Variants in RTTN observed in about 807,000 individuals in gnomAD.
RTTN encodes the protein rotatin.
Under a neutral mutation model 269.2 loss-of-function variants are expected in RTTN, and 182 were observed. The ratio of observed to expected loss-of-function variants is 0.68; its 90% CI spans 0.60 to 0.76. The LOEUF (loss-of-function observed/expected upper bound fraction) is 0.76, where lower values mean the gene tolerates loss of function less well. RTTN is among the 30% of genes least tolerant of loss of function. RTTN has a pLI of 0.00. For synonymous variants in RTTN, 1,006 were observed against 963.5 expected, an observed-to-expected ratio of 1.04 and a Z score of -0.82; for missense variants, 2,545 against 2,608.6, an observed-to-expected ratio of 0.98 and a Z score of 0.53.
At chr18:70,084,826 T>C (rs998287447) in intron 32 of RTTN, among the ~76,000 whole-genome samples, 1 of 152,196 alleles carries the variant, frequency 6.6e-6, no homozygotes, top group Non-Finnish European at 1.5e-5. Context: ...TAAATCACTA[T>C]TTTCCACTTT....
chr18:70,068,081 T>A (rs530108593), intron 34 of RTTN, among the ~76,000 whole-genome samples: 1 of 152,346 alleles, frequency 6.6e-6, no homozygotes, highest in South Asian at 2.1e-4. Flanking sequence ...TAAACTAATA[T>A]ATTGCTATTT....
chr18:70,037,958 T>A (rs922173482), intron 40 of RTTN, among the ~76,000 whole-genome samples: 1 of 152,148 alleles, frequency 6.6e-6, no homozygotes. Context: ...TAAGTGAACA[T>A]TGGCAGCAGC....
At chr18:70,070,491 C>T (rs916316528) in intron 34 of RTTN, among the ~76,000 whole-genome samples, 4 of 152,212 alleles carry the variant, frequency 2.6e-5, no homozygotes, top group Non-Finnish European at 5.9e-5. Flanking sequence ...CCTGCTTAAA[C>T]TATCCTCTGT....
intron 35 of RTTN, 114 bp downstream of exon 35, chr18:70,065,715 C>A (rs2058114695): frequency 3.5e-6 from 2 of 573,214 alleles, no homozygotes; most frequent in South Asian, 3.5e-5. Flanking sequence ...TCATAATGGT[C>A]TACAACTTAT....
chr18:70,026,932 G>A (rs1213116547), intron 43 of RTTN, among the ~76,000 whole-genome samples: 1 of 152,148 alleles, frequency 6.6e-6, no homozygotes, highest in Non-Finnish European at 1.5e-5. Flanking sequence ...GCTAGCACGT[G>A]CAAGCATGAA....
intron 37 of RTTN, among the ~76,000 whole-genome samples, chr18:70,055,550 T>G (rs182154993): frequency 3.3e-5 from 5 of 152,212 alleles, no homozygotes; most frequent in African/African-American, 9.6e-5. Context: ...CTTCACAAAC[T>G]CTTCAGTTTG....
At chr18:70,161,391 C>T (rs564587235) in intron 14 of RTTN, among the ~76,000 whole-genome samples, 10 of 151,998 alleles carry the variant, frequency 6.6e-5, no homozygotes, top group Admixed American at 5.2e-4. Flanking sequence ...ACTATAACAA[C>T]CCTAGGAAAT....
chr18:70,120,705 G>C (rs547350981), intron 26 of RTTN, among the ~76,000 whole-genome samples: 1 of 152,064 alleles, frequency 6.6e-6, no homozygotes, highest in African/African-American at 2.4e-5. Context: ...TTCTTCACAC[G>C]CTTCTTAGAA....
At chr18:70,004,848 T>C (rs934199723) in intron 48 of RTTN, among the ~76,000 whole-genome samples, 2 of 110,782 alleles carry the variant, frequency 1.8e-5, no homozygotes, top group Non-Finnish European at 4.2e-5. Context: ...CTTGGAAGAC[T>C]GTCCTCCAGC....
intron 34 of RTTN, among the ~76,000 whole-genome samples, chr18:70,068,919 A>C (rs1240834986): frequency 6.6e-6 from 1 of 152,074 alleles, no homozygotes; most frequent in Non-Finnish European, 1.5e-5. Flanking sequence ...ATTACAAAAG[A>C]CAATACAAGC....
chr18:70,188,209 T>C lies in RTTN; in HGVS notation c.1204A>G (p.Ile402Val). The change falls in exon 10 of 49, where the codon ATA becomes GTA. Residue 402 changes from isoleucine (I) to valine (V), a missense_variant. Ile to Val is a conservative substitution (Grantham distance 29, BLOSUM62 3). Transcript: ENST00000640769. Reference protein sequence around the residue: ...PLLRTGSRQVIIRVLELLTED... With the variant: ...PLLRTGSRQVVIRVLELLTED... The stretch of plus-strand genomic sequence containing the variant: ...GTAAGCAATTCCAGAACTCTTATTA[T>C]CACTTGTCTGCTACCTAGGAATACA... 1 of 1,595,668 alleles carries C rather than the reference T, an allele frequency of 6.3e-7. No homozygotes were observed. Among genetic ancestry groups the C allele is most frequent in the Non-Finnish European group, 8.6e-7 (1 of 1,164,772 alleles).
chr18:70,150,489 C>T, intron 15 of RTTN, 119 bp downstream of exon 15: 1 of 910,436 alleles, frequency 1.1e-6, no homozygotes, highest in Non-Finnish European at 1.7e-6. Flanking sequence ...AACCAATGCA[C>T]CAAAGACAGG....
intron 1 of RTTN, 151 bp downstream of exon 1, chr18:70,205,477 C>T (rs75761892): frequency 0.039 from 51,118 of 1,320,118 alleles, 1,183 homozygotes; most frequent in Non-Finnish European, 0.046. Flanking sequence ...ACACAAAGTC[C>T]GAGATGGGTC....
At chr18:70,021,525 T>A (rs1378817374) in intron 44 of RTTN, among the ~76,000 whole-genome samples, 2 of 152,194 alleles carry the variant, frequency 1.3e-5, no homozygotes, top group East Asian at 3.8e-4. Context: ...CAGAATCAAA[T>A]ACATTCTGTA....
At chr18:70,025,700 C>T (rs1433540283) in intron 43 of RTTN, among the ~76,000 whole-genome samples, 2 of 152,204 alleles carry the variant, frequency 1.3e-5, no homozygotes, top group Admixed American at 6.5e-5. Context: ...TTTACTATTT[C>T]ACAGAGAAGA....
intron 40 of RTTN, among the ~76,000 whole-genome samples, chr18:70,043,347 T>C (rs1222464566): frequency 2.0e-5 from 3 of 152,152 alleles, no homozygotes; most frequent in Non-Finnish European, 4.4e-5. Context: ...ATAAATTTAA[T>C]ACCATTCACG....
intron 11 of RTTN, 44 bp from the exon 12 acceptor site, chr18:70,169,111 A>G: frequency 6.9e-7 from 1 of 1,445,306 alleles, no homozygotes; most frequent in Non-Finnish European, 9.3e-7. Flanking sequence ...TTTGTTTAAA[A>G]AAAACTTATT....
chr18:70,057,180 C>T (rs1325046978), intron 37 of RTTN, among the ~76,000 whole-genome samples: 1 of 152,112 alleles, frequency 6.6e-6, no homozygotes, highest in East Asian at 1.9e-4. Context: ...ATCTTGTAGC[C>T]CTTCTTAAAA....
intron 34 of RTTN, among the ~76,000 whole-genome samples, chr18:70,067,229 G>A (rs1169826367): frequency 2.0e-5 from 3 of 149,792 alleles, no homozygotes; most frequent in African/African-American, 4.9e-5. Context: ...GCACGATCTC[G>A]GCTCACTGCA....
Sources: gnomAD v4.1 joint callset for allele counts (sites outside exome capture counted in the v4.1 genomes callset) on GRCh38, gnomAD v4.1.1 for gene constraint, MANE v1.5 for transcripts, NCBI Gene and HGNC (gene_info 2026-07-23, HGNC 2026-07-21) for gene names.